SNTG2: variants seen among roughly 807,000 people sequenced by gnomAD.
SNTG2 encodes gamma-2-syntrophin.
A neutral mutation model predicts 70.9 loss-of-function variants in SNTG2; 74 were observed. The observed-to-expected ratio is 1.04, with a 90% CI of 0.86 to 1.27. The LOEUF is 1.27. Ranked by LOEUF, SNTG2 falls within the 50% of genes most tolerant of loss-of-function variation. SNTG2 has a pLI of 0.00. For missense variants in SNTG2, 717 were observed against 690.7 expected, an observed-to-expected ratio of 1.04 and a Z score of -0.43; for synonymous variants, 278 against 273.8, an observed-to-expected ratio of 1.02 and a Z score of -0.15.
At chr2:1,218,279 G>C (rs138322752) in intron 9 of SNTG2, among the ~76,000 whole-genome samples, 1 of 152,150 alleles carries the variant, frequency 6.6e-6, no homozygotes, top group South Asian at 2.1e-4. Context: ...GAGTTGAGAC[G>C]TTGATTGCAT....
At chr2:1,208,563 T>C (rs1397845931) in intron 8 of SNTG2, among the ~76,000 whole-genome samples, 1 of 152,058 alleles carries the variant, frequency 6.6e-6, no homozygotes, top group East Asian at 1.9e-4. Flanking sequence ...CTCCTTCACC[T>C]TCCCAGACGG....
At chr2:958,601 G>A (rs185231923) in intron 1 of SNTG2, among the ~76,000 whole-genome samples, 258 of 152,204 alleles carry the variant, frequency 1.7e-3, no homozygotes, top group African/African-American at 5.7e-3. Flanking sequence ...AACCTCTAAA[G>A]TCACCATTAT....
intron 1 of SNTG2, among the ~76,000 whole-genome samples, chr2:987,726 G>C (rs766197113): frequency 6.6e-6 from 1 of 152,148 alleles, no homozygotes; most frequent in South Asian, 2.1e-4. Flanking sequence ...AGGAAACCAA[G>C]GGGAGGCTGG....
intron 1 of SNTG2, among the ~76,000 whole-genome samples, chr2:1,075,640 A>G (rs1303552432): frequency 6.6e-6 from 1 of 152,192 alleles, no homozygotes; most frequent in Non-Finnish European, 1.5e-5. Flanking sequence ...TTTGGTTTAT[A>G]TCTAAAACTA....
At chr2:1,320,389 G>A (rs187857275) in intron 16 of SNTG2, among the ~76,000 whole-genome samples, 13 of 151,768 alleles carry the variant, frequency 8.6e-5, no homozygotes, top group East Asian at 7.8e-4. Flanking sequence ...AAAATTAGCC[G>A]GGCCTGGTTG....
intron 8 of SNTG2, among the ~76,000 whole-genome samples, chr2:1,176,675 C>A (rs968838272): frequency 6.6e-6 from 1 of 151,494 alleles, no homozygotes; most frequent in Non-Finnish European, 1.5e-5. Context: ...TAAATGTGGG[C>A]AAAGGACACG....
chr2:1,288,356 A>G (rs983735481), intron 14 of SNTG2, among the ~76,000 whole-genome samples: 1 of 152,350 alleles, frequency 6.6e-6, no homozygotes, highest in Non-Finnish European at 1.5e-5. Flanking sequence ...AGCAAACACC[A>G]TGTAAATCTC....
intron 14 of SNTG2, among the ~76,000 whole-genome samples, chr2:1,271,337 G>A (rs1198271692): frequency 6.6e-6 from 1 of 151,986 alleles, no homozygotes; most frequent in African/African-American, 2.4e-5. Context: ...ACATATGCAT[G>A]TTGTTCTGCA....
At chr2:1,179,914 G>T (rs572830687) in intron 8 of SNTG2, among the ~76,000 whole-genome samples, 1 of 138,814 alleles carries the variant, frequency 7.2e-6, no homozygotes, top group Non-Finnish European at 1.6e-5. Context: ...ATAATGCCGT[G>T]TATCTACAAC....
intron 1 of SNTG2, among the ~76,000 whole-genome samples, chr2:963,688 A>G (rs1419149541): frequency 6.6e-6 from 1 of 152,202 alleles, no homozygotes; most frequent in Admixed American, 6.5e-5. Flanking sequence ...TGGCTTGAAT[A>G]GTGCCTGGCC....
intron 2 of SNTG2, among the ~76,000 whole-genome samples, chr2:1,086,915 G>A (rs532426016): frequency 1.3e-5 from 2 of 152,212 alleles, no homozygotes; most frequent in Admixed American, 1.3e-4. Flanking sequence ...TTTAAATAAC[G>A]TGTTAGGTAC....
intron 8 of SNTG2, among the ~76,000 whole-genome samples, chr2:1,187,438 G>C (rs919152215): frequency 2.0e-5 from 3 of 152,180 alleles, no homozygotes; most frequent in African/African-American, 7.2e-5. Context: ...TCTGCCAGCT[G>C]CTGCTCTTTG....
chr2:1,328,176 G>C (rs137929867), intron 16 of SNTG2, among the ~76,000 whole-genome samples: 29 of 152,148 alleles, frequency 1.9e-4, no homozygotes, highest in African/African-American at 6.5e-4. Flanking sequence ...CATGATCCAG[G>C]CACCTCCCAC....
intron 1 of SNTG2, among the ~76,000 whole-genome samples, chr2:960,360 T>G (rs1005717731): frequency 2.6e-5 from 4 of 152,320 alleles, no homozygotes; most frequent in Middle Eastern, 3.4e-3. Flanking sequence ...TCTCCTTTGT[T>G]CTCTCCTTTG....
At chr2:979,986 A>T (rs1661047545) in intron 1 of SNTG2, among the ~76,000 whole-genome samples, 1 of 152,224 alleles carries the variant, frequency 6.6e-6, no homozygotes, top group South Asian at 2.1e-4. Flanking sequence ...ACAAAAAGTA[A>T]GTAAATTTTT....
intron 1 of SNTG2, among the ~76,000 whole-genome samples, chr2:1,081,205 T>C (rs1466997165): frequency 6.6e-6 from 1 of 152,224 alleles, no homozygotes; most frequent in Non-Finnish European, 1.5e-5. Flanking sequence ...GTGGCGGAGC[T>C]GGCCTTGCCT....
chr2:1,223,205 GGC>G (rs1675457819), intron 9 of SNTG2, among the ~76,000 whole-genome samples: 2 of 92,710 alleles, frequency 2.2e-5, no homozygotes, highest in Non-Finnish European at 2.1e-5. Flanking sequence ...AGTGATGGAG[GGC>G]GTCTCCCTGT....
Position 1,165,560 on chromosome 2 carries a change from A to G in SNTG2, c.424A>G (p.Arg142Gly). The G allele has an allele frequency of 6.2e-7, 1 of 1,612,622 alleles. No homozygotes were observed. Among genetic ancestry groups the G allele is most frequent in the Non-Finnish European group, 8.5e-7 (1 of 1,179,476 alleles). The change falls in exon 7 of 17, where the codon AGA becomes GGA. Residue 142 changes from arginine to glycine, a missense_variant. Physicochemically the swap from Arg to Gly is moderately radical, Grantham distance 125. Coordinates refer to ENST00000308624, the MANE Select transcript of SNTG2 (RefSeq NM_018968.4). ...ATHEEVVHLL[R>G]NAGDEVTITV... Reference sequence around the variant, plus strand: ...GTCATATTGACAGGTGCATCTGCTGAGAAATGCTGGCGATGAAGTTACCAT... The same window carrying G: ...GTCATATTGACAGGTGCATCTGCTGGGAAATGCTGGCGATGAAGTTACCAT...
intron 1 of SNTG2, among the ~76,000 whole-genome samples, chr2:1,047,091 G>T (rs906038183): frequency 6.6e-6 from 1 of 152,140 alleles, no homozygotes; most frequent in Non-Finnish European, 1.5e-5. Flanking sequence ...TTAATTCAAA[G>T]AACTGGTCTT....
Sources: gnomAD v4.1 joint callset for allele counts (sites outside exome capture counted in the v4.1 genomes callset) on GRCh38, gnomAD v4.1.1 for gene constraint, MANE v1.5 for transcripts, NCBI Gene and HGNC (gene_info 2026-07-23, HGNC 2026-07-21) for gene names.